TRPV1: variants seen among roughly 807,000 people sequenced by gnomAD.
The protein encoded by TRPV1 is OTRPC1.
A neutral mutation model predicts 82.3 loss-of-function variants in TRPV1; 82 were observed. The ratio of observed to expected loss-of-function variants is 1.00; its 90% CI spans 0.83 to 1.20. TRPV1 has a LOEUF of 1.20. Among genes scored for constraint, TRPV1 ranks in the 50% most tolerant of loss-of-function variants. The probability of loss-of-function intolerance (pLI) is 0.00; values close to 1 mark genes in which losing one functional copy is unlikely to be tolerated. For missense variants in TRPV1, 1,067 were observed against 1,096.8 expected, an observed-to-expected ratio of 0.97 and a Z score of 0.38; for synonymous variants, 515 against 467.7, an observed-to-expected ratio of 1.10 and a Z score of -1.30.
chr17:3,592,613 C>T (rs2075173720), intron 2 of TRPV1: 3 of 526,146 alleles, frequency 5.7e-6, no homozygotes, highest in Admixed American at 3.4e-5. Context: ...CGGCCACTGA[C>T]GTCGGCCTGG....
In TRPV1 at chr17:3,588,274, A is replaced by C. The variant is rs2150845189; in HGVS notation, c.1138T>G (p.Ser380Ala). 6.3e-7 allele frequency: 1 copy of C among 1,581,432 alleles called. No homozygotes were observed. Among genetic ancestry groups the C allele is most frequent in the East Asian group, 2.3e-5 (1 of 42,794 alleles). Residue 380 changes from serine (S) to alanine (A), a missense_variant, in exon 8 of 17, where the codon TCC (serine) becomes GCC (alanine). Transcript: ENST00000572705. ...ATGCAGGACAGGTCGTACAGCGAGGAGTGCACGGGCCCGTAGGCCCACTCG... is the reference window on the plus strand; with the variant it reads ...ATGCAGGACAGGTCGTACAGCGAGGCGTGCACGGGCCCGTAGGCCCACTCG... ...FTEWAYGPVHSSLYDLSCIDT... is the reference protein window; with the variant it reads ...FTEWAYGPVHASLYDLSCIDT...
At chr17:3,589,695 C>CA in intron 7 of TRPV1, 112 bp downstream of exon 7, 1 of 1,280,090 alleles carries the variant, frequency 7.8e-7, no homozygotes, top group South Asian at 1.5e-5. Flanking sequence ...ATGACAGAAT[C>CA]AGAGTCCCGC....
chr17:3,604,616 A>AT, intron 2 of TRPV1, among the ~76,000 whole-genome samples: 1 of 148,892 alleles, frequency 6.7e-6, no homozygotes, highest in Non-Finnish European at 1.5e-5. Context: ...AAAAAAAAAA[A>AT]GAAAAAGAAA....
At chr17:3,576,090 C>T (rs766982724) in intron 13 of TRPV1, among the ~76,000 whole-genome samples, 4 of 151,362 alleles carry the variant, frequency 2.6e-5, no homozygotes, top group African/African-American at 4.9e-5. Flanking sequence ...GGTGTGGTGG[C>T]GGGCATCTGT....
chr17:3,605,115 T>C (rs2075288504), intron 2 of TRPV1, among the ~76,000 whole-genome samples: 1 of 152,196 alleles, frequency 6.6e-6, no homozygotes, highest in African/African-American at 2.4e-5. Flanking sequence ...GGGTTCGCTC[T>C]GGGGTTTGAA....
At chr17:3,572,095 C>T (rs957765786) in intron 15 of TRPV1, 27 bp downstream of exon 15, 1 of 1,608,020 alleles carries the variant, frequency 6.2e-7, no homozygotes, top group African/African-American at 1.3e-5. Context: ...CTCCCAAGCC[C>T]TGATTCAGGT....
At chr17:3,576,936 T>TA (rs1157914177) in intron 13 of TRPV1, among the ~76,000 whole-genome samples, 190 bp downstream of exon 13, 1 of 151,666 alleles carries the variant, frequency 6.6e-6, no homozygotes, top group East Asian at 1.9e-4. Context: ...GGAAAATTCT[T>TA]AAAGCATTTT....
At chr17:3,572,932 A>C (rs965340846) in intron 14 of TRPV1, among the ~76,000 whole-genome samples, 57 of 148,094 alleles carry the variant, frequency 3.8e-4, no homozygotes, top group African/African-American at 1.3e-3. Flanking sequence ...GCAGTCAGCC[A>C]AGATCATGCC....
intron 2 of TRPV1, among the ~76,000 whole-genome samples, chr17:3,603,094 T>G (rs1417527228): frequency 6.6e-6 from 1 of 151,618 alleles, no homozygotes; most frequent in African/African-American, 2.4e-5. Flanking sequence ...CACTCCAGCC[T>G]GGGCAACAAG....
rs1253532725 is a variant in TRPV1, at chr17:3,576,667, AAATAT to A, written c.1780+454_1780+458del. 6.5e-4 allele frequency among the ~76,000 whole-genome samples: 40 copies of A among 61,644 alleles called. 2 individuals are homozygous for A. Among genetic ancestry groups the A allele is most frequent in the Non-Finnish European group, 1.4e-3 (36 of 25,146 alleles). The allele number at this position is 61,644 out of a possible 152,430, so 40.4% of individuals were successfully genotyped here. ...ACTCTGTATGAGAAAAAAAAAAAAA[AAATAT>A]ATATATATATATATATATGCATAAA... is the stretch of plus-strand genomic sequence containing the variant. On this transcript the variant is annotated intron_variant, in intron 13 of 16. Transcript: ENST00000572705.
chr17:3,581,209 C>T (rs2075005139), intron 10 of TRPV1, among the ~76,000 whole-genome samples: 2 of 152,052 alleles, frequency 1.3e-5, no homozygotes, highest in African/African-American at 4.8e-5. Flanking sequence ...TCTCAAACTC[C>T]TGGCCTCAGC....
intron 10 of TRPV1, among the ~76,000 whole-genome samples, chr17:3,581,402 C>T (rs1337983271): frequency 6.6e-6 from 1 of 152,210 alleles, no homozygotes; most frequent in African/African-American, 2.4e-5. Flanking sequence ...ACAGGCCAAT[C>T]CTGCTTTTGC....
chr17:3,604,093 T>C (rs2075281932), intron 2 of TRPV1, among the ~76,000 whole-genome samples: 1 of 152,250 alleles, frequency 6.6e-6, no homozygotes, highest in African/African-American at 2.4e-5. Flanking sequence ...TGGCCTCCCC[T>C]GCAGTTGTAA....
intron 2 of TRPV1, among the ~76,000 whole-genome samples, chr17:3,603,253 G>A (rs530139645): frequency 1.1e-4 from 17 of 152,238 alleles, no homozygotes; most frequent in African/African-American, 2.6e-4. Context: ...TCTGCGAGCC[G>A]GTCAGCACCC....
At position 3,572,194 on chromosome 17, in the gene TRPV1, G is replaced by A. The variant is rs753686050; in HGVS notation, c.2159C>T (p.Ala720Val). Residue 720 changes from alanine (A) to valine (V), a missense_variant, in exon 15 of 17, where the codon GCC becomes GTC. By Grantham distance (64) the Ala-to-Val change is moderately conservative (BLOSUM62 0). Coordinates refer to ENST00000572705, the MANE Select transcript of TRPV1 (RefSeq NM_080704.4). ...EKSFLKCMRK[A>V]FRSGKLLQVG... ...CTGCAGCAGCTTGCCTGAGCGGAAG[G>A]CCTTCCTCATGCACTTAAGGAAGCT... is the stretch of plus-strand genomic sequence containing the variant. 2.5e-6 allele frequency: 4 copies of A among 1,613,004 alleles called. No individual in the cohort carries two copies. The highest frequency in any genetic ancestry group is 1.7e-5 in the Admixed American group (1 of 59,876).
At chr17:3,580,972 T>C (rs1283544245) in intron 10 of TRPV1, among the ~76,000 whole-genome samples, 1 of 147,706 alleles carries the variant, frequency 6.8e-6, no homozygotes, top group African/African-American at 2.5e-5. Flanking sequence ...TGAGCCAAGA[T>C]CAGGCCATTG....
At chr17:3,592,607 C>T (rs774542792) in intron 2 of TRPV1, 116 of 539,862 alleles carry the variant, frequency 2.1e-4, no homozygotes, top group Non-Finnish European at 3.3e-4. Flanking sequence ...GTCCTGCGGC[C>T]ACTGACGTCG....
In TRPV1 at chr17:3,609,346, AG is replaced by A. The variant is rs869160304; in HGVS notation, c.-211del. 1.3e-5 allele frequency: 2 copies of A among 151,940 alleles called. No individual in the cohort carries two copies. The highest frequency in any genetic ancestry group is 2.9e-5 in the Non-Finnish European group (2 of 68,016). The allele number at this position is 151,940 out of a possible 1,614,324, so 9.4% of individuals were successfully genotyped here. A position where few individuals can be genotyped will look rare whatever the true frequency, so the allele number is the denominator to read the frequency against. On this transcript the variant is annotated 5_prime_UTR_variant, in exon 1 of 17. Transcript: ENST00000572705. ...CTGAGAGAGAGAGAGAGAGAGAGAG[AG>A]AGAATACGACTGCTTCCCAAACTCG... is the stretch of plus-strand genomic sequence containing the variant.
intron 12 of TRPV1, 29 bp from the exon 13 acceptor site, chr17:3,577,221 C>G (rs201835124): frequency 2.3e-5 from 36 of 1,563,758 alleles, no homozygotes; most frequent in Non-Finnish European, 2.9e-5. Flanking sequence ...TCATCAGAGC[C>G]GAGGCCAGGC....
Sources: allele counts gnomAD v4.1 joint callset (sites outside exome capture counted in the v4.1 genomes callset), GRCh38; gene constraint gnomAD v4.1.1; transcripts MANE v1.5; gene names NCBI Gene and HGNC (gene_info 2026-07-23, HGNC 2026-07-21).